SHC3: variants seen among roughly 807,000 people sequenced by gnomAD.
SHC3 encodes SHC adaptor protein 3, also known as SHC-transforming protein 3.
A neutral mutation model predicts 60.4 loss-of-function variants in SHC3; 15 were observed. That is an observed-to-expected ratio of 0.25 (90% confidence interval 0.17 to 0.38). The LOEUF (loss-of-function observed/expected upper bound fraction) is 0.38. Among genes scored for constraint, SHC3 ranks in the 10% least tolerant of loss-of-function variants. The probability of loss-of-function intolerance (pLI) is 1.00; values close to 1 mark genes in which losing one functional copy is unlikely to be tolerated. For synonymous variants in SHC3, 294 were observed against 325.9 expected (o/e 0.90, Z 1.05); for missense variants, 677 against 786.1 (o/e 0.86, Z 1.66).
intron 2 of SHC3, among the ~76,000 whole-genome samples, chr9:89,110,805 T>C (rs560746490): frequency 2.2e-4 from 33 of 152,316 alleles, no homozygotes; most frequent in African/African-American, 7.9e-4. Flanking sequence ...CTGCTTCACC[T>C]TCCCAAAAAT....
At chr9:89,150,329 A>C (rs778695159) in intron 1 of SHC3, among the ~76,000 whole-genome samples, 52 of 150,822 alleles carry the variant, frequency 3.4e-4, no homozygotes, top group Middle Eastern at 3.4e-3. Flanking sequence ...TCATAATCCC[A>C]AAAAAAAACC....
At chr9:89,157,760 C>A (rs1032256660) in intron 1 of SHC3, among the ~76,000 whole-genome samples, 9 of 152,070 alleles carry the variant, frequency 5.9e-5, no homozygotes, top group Non-Finnish European at 1.0e-4. Flanking sequence ...GGACTACAGG[C>A]ATCCTGCCAC....
At chr9:89,037,303 TTTG>T (rs1279995927) in intron 11 of SHC3, 5 of 575,912 alleles carry the variant, frequency 8.7e-6, no homozygotes, top group Admixed American at 3.4e-5. Flanking sequence ...TCTACCCTGC[TTTG>T]TTGTTTTCAC....
At chr9:89,042,254 A>C (rs1272703370) in intron 9 of SHC3, 70 bp from the exon 10 acceptor site, 2 of 1,447,678 alleles carry the variant, frequency 1.4e-6, no homozygotes, top group African/African-American at 2.9e-5. Context: ...GCCTTTCACA[A>C]AGAAGCTCTT....
At chr9:89,089,971 C>T (rs1164081383) in intron 2 of SHC3, among the ~76,000 whole-genome samples, 1 of 152,192 alleles carries the variant, frequency 6.6e-6, no homozygotes, top group African/African-American at 2.4e-5. Context: ...ACTAAACTTA[C>T]CTGCCCTGCC....
At chr9:89,157,352 C>A (rs746856336) in intron 1 of SHC3, among the ~76,000 whole-genome samples, 5 of 152,346 alleles carry the variant, frequency 3.3e-5, no homozygotes, top group African/African-American at 9.6e-5. Context: ...AATGTGGCCA[C>A]AGGCCAAAGC....
chr9:89,084,278 C>T (rs974647130), intron 2 of SHC3, among the ~76,000 whole-genome samples: 4 of 152,086 alleles, frequency 2.6e-5, no homozygotes, highest in Admixed American at 2.0e-4. Flanking sequence ...TGGTTTACTC[C>T]AGAAAGGTGT....
intron 6 of SHC3, among the ~76,000 whole-genome samples, chr9:89,061,825 C>T (rs1825094808): frequency 6.6e-6 from 1 of 152,196 alleles, no homozygotes; most frequent in Non-Finnish European, 1.5e-5. Context: ...CAAGTATTCG[C>T]ACTGCATATG....
At chr9:89,048,616 T>C (rs540728650) in intron 7 of SHC3, among the ~76,000 whole-genome samples, 2 of 152,278 alleles carry the variant, frequency 1.3e-5, no homozygotes, top group African/African-American at 4.8e-5. Flanking sequence ...ATATAACAAA[T>C]CAACTGAACT....
chr9:89,171,010 A>G (rs1467722320), intron 1 of SHC3, among the ~76,000 whole-genome samples: 1 of 152,086 alleles, frequency 6.6e-6, no homozygotes, highest in East Asian at 1.9e-4. Flanking sequence ...ATTCACTTAC[A>G]TTTTGTCCAT....
At position 89,178,654 on chromosome 9, in the gene SHC3, C is replaced by T; in HGVS notation, c.-194G>A. The T allele has an allele frequency of 2.2e-6, 1 of 455,614 alleles. No homozygotes were observed. The highest frequency in any genetic ancestry group is 3.7e-6 in the Non-Finnish European group (1 of 266,682). The allele number at this position is 455,614 out of a possible 1,614,324, so 28.2% of individuals were successfully genotyped here. ...CCGTTAAAAGCCAGCACAGCGGCGGCCGCGCAGCCCCGGCCCGGGAGACCG... is the reference window on the plus strand; with the variant it reads ...CCGTTAAAAGCCAGCACAGCGGCGGTCGCGCAGCCCCGGCCCGGGAGACCG... On this transcript the variant is annotated 5_prime_UTR_variant, in exon 1 of 12. Coordinates refer to ENST00000375835, the MANE Select transcript of SHC3 (RefSeq NM_016848.6). The surrounding 1 kb of genome is among the most constrained non-coding windows in gnomAD (Gnocchi z 6.9).
intron 6 of SHC3, among the ~76,000 whole-genome samples, chr9:89,053,747 T>C (rs1189607156): frequency 1.3e-5 from 2 of 152,236 alleles, no homozygotes; most frequent in East Asian, 3.8e-4. Flanking sequence ...TTGACATTAT[T>C]ATTTACTAAG....
At chr9:89,089,512 C>A (rs566994564) in intron 2 of SHC3, among the ~76,000 whole-genome samples, 68 of 152,258 alleles carry the variant, frequency 4.5e-4, no homozygotes, top group Admixed American at 2.9e-3. Flanking sequence ...GCCAGCACTG[C>A]CCTTAGGCAA....
intron 1 of SHC3, among the ~76,000 whole-genome samples, chr9:89,131,925 A>G (rs891748868): frequency 6.6e-6 from 1 of 152,194 alleles, no homozygotes; most frequent in Non-Finnish European, 1.5e-5. Flanking sequence ...CAGGCAAGAG[A>G]AAGAAATAAA....
At chr9:89,052,520 AAG>A (rs1183368564) in intron 6 of SHC3, among the ~76,000 whole-genome samples, 1 of 152,216 alleles carries the variant, frequency 6.6e-6, no homozygotes, top group Non-Finnish European at 1.5e-5. Flanking sequence ...CAGCACGACA[AAG>A]AGCCTGATCT....
At chr9:89,107,419 G>T (rs1484619192) in intron 2 of SHC3, among the ~76,000 whole-genome samples, 1 of 152,180 alleles carries the variant, frequency 6.6e-6, no homozygotes, top group Non-Finnish European at 1.5e-5. Context: ...AAGCCAACAC[G>T]AGGGTACAGT....
At chr9:89,171,155 G>A (rs992081978) in intron 1 of SHC3, among the ~76,000 whole-genome samples, 3 of 152,072 alleles carry the variant, frequency 2.0e-5, no homozygotes, top group African/African-American at 7.2e-5. Context: ...AACTGTAAGA[G>A]GCCCAGAGTA....
intron 1 of SHC3, among the ~76,000 whole-genome samples, chr9:89,128,442 A>G (rs1445914953): frequency 6.6e-6 from 1 of 152,170 alleles, no homozygotes; most frequent in East Asian, 1.9e-4. Flanking sequence ...GAATGGACAG[A>G]CTACCTCCTC....
chr9:89,168,436 C>G (rs961564890), intron 1 of SHC3, among the ~76,000 whole-genome samples: 3 of 152,052 alleles, frequency 2.0e-5, no homozygotes, highest in Non-Finnish European at 2.9e-5. Flanking sequence ...TGTACTCCAG[C>G]CTGGGCAACA....
Sources: gnomAD v4.1 joint callset for allele counts (sites outside exome capture counted in the v4.1 genomes callset) on GRCh38, gnomAD v4.1.1 for gene constraint, Gnocchi (gnomAD v3.1) non-coding constraint, MANE v1.5 for transcripts, NCBI Gene and HGNC (gene_info 2026-07-23, HGNC 2026-07-21) for gene names.